GSE1: variants seen among roughly 807,000 people sequenced by gnomAD.
The protein encoded by GSE1 is Gse1 coiled-coil protein.
In GSE1, 32 loss-of-function variants were observed where a neutral mutation model predicts 112.6. That is an observed-to-expected ratio of 0.28 (90% CI 0.21 to 0.38). The LOEUF is 0.38. Ranked by LOEUF, GSE1 falls within the 10% of genes least tolerant of loss-of-function variation. The probability of loss-of-function intolerance (pLI) is 1.00; values close to 1 mark genes in which losing one functional copy is unlikely to be tolerated. For synonymous variants in GSE1, 1,115 were observed against 735.6 expected (o/e 1.52, Z -8.35); for missense variants, 2,348 against 1,699.2 (o/e 1.38, Z -6.71).
chr16:85,495,647 C>CG (rs2051151555), intron 2 of GSE1, among the ~76,000 whole-genome samples: 1 of 151,934 alleles, frequency 6.6e-6, no homozygotes, highest in East Asian at 1.9e-4. Context: ...CGCACTACCA[C>CG]GTCTAGCTAA....
chr16:85,399,529 C>A (rs562666936), intron 2 of GSE1, among the ~76,000 whole-genome samples: 1 of 152,228 alleles, frequency 6.6e-6, no homozygotes, highest in Non-Finnish European at 1.5e-5. Flanking sequence ...CCCATCCTTG[C>A]GGGCTTTCAG....
upstream of GSE1, among the ~76,000 whole-genome samples, chr16:85,608,022 A>G (rs1180332776): frequency 6.6e-6 from 1 of 152,208 alleles, no homozygotes; most frequent in Non-Finnish European, 1.5e-5. Flanking sequence ...GACCCACTGC[A>G]CTGTGTGATT....
rs1187255201 is a variant in GSE1 at position 85,357,664 on chromosome 16, T to C, written c.2464+21T>C. The C allele has an allele frequency of 5.5e-6, 7 of 1,280,898 alleles. No homozygotes were observed. In the African/African-American group the frequency reaches 9.1e-5, roughly 17 times the overall value. The allele number at this position is 1,280,898 out of a possible 1,614,324, so 79.3% of individuals were successfully genotyped here. A position where few individuals can be genotyped will look rare whatever the true frequency, so the allele number is the denominator to read the frequency against. On this transcript the variant is annotated intron_variant, in intron 2 of 2. Transcript: ENST00000637419. ...TGCAGGTAGACGCCAGCTCTTTTTG[T>C]ATCTCTGGGTACTGGGCTGGGATGC...
chr16:85,471,137 C>T (rs2050281463), intron 2 of GSE1, among the ~76,000 whole-genome samples: 1 of 152,146 alleles, frequency 6.6e-6, no homozygotes, highest in Non-Finnish European at 1.5e-5. Flanking sequence ...CCCCATTCGC[C>T]CTGGGTGCTC....
intron 1 of GSE1, among the ~76,000 whole-genome samples, chr16:85,351,118 G>C (rs528344614): frequency 2.6e-5 from 4 of 152,302 alleles, no homozygotes; most frequent in African/African-American, 9.6e-5. Flanking sequence ...TCCCAGCTGG[G>C]AGAGTAGCCA....
intron 1 of GSE1, among the ~76,000 whole-genome samples, chr16:85,212,909 C>T (rs2075249500): frequency 6.6e-6 from 1 of 152,130 alleles, no homozygotes; most frequent in South Asian, 2.1e-4. Context: ...GGGAAGATCG[C>T]TCGAGCCCAG....
intron 2 of GSE1, among the ~76,000 whole-genome samples, chr16:85,501,591 C>T (rs1387176176): frequency 4.0e-5 from 6 of 151,796 alleles, no homozygotes; most frequent in Non-Finnish European, 1.5e-5. Context: ...GACTAGGTTT[C>T]GCTATGTTGC....
intron 2 of GSE1, among the ~76,000 whole-genome samples, chr16:85,399,998 C>A (rs1331140672): frequency 1.3e-5 from 2 of 152,224 alleles, no homozygotes; most frequent in African/African-American, 4.8e-5. Context: ...TCACACTGGG[C>A]GCACAGCAGC....
chr16:85,451,472 GTGGTGGTTGGTGTGTGTGC>G (rs2049679291), intron 2 of GSE1, among the ~76,000 whole-genome samples: 1 of 87,846 alleles, frequency 1.1e-5, no homozygotes, highest in African/African-American at 4.2e-5. Flanking sequence ...GCGTGCGCTG[GTGGTGGTTGGTGTGTGTGC>G]TGGTGGTTGG....
At chr16:85,235,475 G>C (rs1475472130) in intron 1 of GSE1, among the ~76,000 whole-genome samples, 1 of 131,074 alleles carries the variant, frequency 7.6e-6, no homozygotes, top group Admixed American at 7.8e-5. Context: ...TGTGTGTAGG[G>C]GGTGTGTTCT....
intron 2 of GSE1, among the ~76,000 whole-genome samples, chr16:85,464,626 C>T (rs733273): frequency 2.6e-5 from 4 of 152,162 alleles, no homozygotes; most frequent in South Asian, 2.1e-4. Context: ...CACGAAGCCT[C>T]GGGAATGTGC....
chr16:85,596,454 A>G (rs755221270), intron 1 of GSE1, among the ~76,000 whole-genome samples: 4 of 152,212 alleles, frequency 2.6e-5, no homozygotes, highest in Admixed American at 6.5e-5. Context: ...GAATCCTCCC[A>G]GGAAGATTCC....
chr16:85,493,934 T>A (rs1184081678), intron 2 of GSE1, among the ~76,000 whole-genome samples: 3 of 151,108 alleles, frequency 2.0e-5, no homozygotes, highest in Non-Finnish European at 2.9e-5. Flanking sequence ...AAAAAAAAAA[T>A]TAGCTTGACA....
At position 85,186,151 on chromosome 16, in the gene GSE1, C is replaced by G. The variant is rs372262559; in HGVS notation, c.2283+14344C>G. Among the ~76,000 whole-genome samples, 8 of 152,244 alleles carry G rather than the reference C, an allele frequency of 5.3e-5. No individual in the cohort carries two copies. The South Asian group carries it at 1.2e-3, about 24-fold the overall frequency. ...CCCTCCACCCATCGTGAGATTTTGTCCTGATTTCACATTTCACATACATTA... is the reference window on the plus strand; with the variant it reads ...CCCTCCACCCATCGTGAGATTTTGTGCTGATTTCACATTTCACATACATTA... On this transcript the variant is annotated intron_variant, in intron 1 of 2. Coordinates refer to the GSE1 transcript ENST00000637419.
intron 2 of GSE1, among the ~76,000 whole-genome samples, chr16:85,433,405 G>A (rs1033086350): frequency 9.9e-5 from 15 of 152,014 alleles, no homozygotes; most frequent in Non-Finnish European, 2.9e-5. Context: ...CCCTGCCCTC[G>A]GCCAGCCTTA....
intron 2 of GSE1, among the ~76,000 whole-genome samples, chr16:85,417,844 T>C (rs554874357): frequency 3.3e-5 from 5 of 152,298 alleles, no homozygotes; most frequent in South Asian, 4.1e-4. Flanking sequence ...GCATTTCTTT[T>C]TTCTTTTTCT....
intron 1 of GSE1, among the ~76,000 whole-genome samples, chr16:85,313,776 G>C (rs967021108): frequency 1.3e-5 from 2 of 152,252 alleles, no homozygotes; most frequent in African/African-American, 4.8e-5. Flanking sequence ...CTCCCCGCCA[G>C]CCTGGGCTGA....
At chr16:85,367,170 T>C (rs2047202297) in intron 2 of GSE1, among the ~76,000 whole-genome samples, 1 of 152,150 alleles carries the variant, frequency 6.6e-6, no homozygotes, top group South Asian at 2.1e-4. Context: ...GTTTACGCGG[T>C]TTGAAGAGTG....
chr16:85,187,534 C>T (rs2074730484), intron 1 of GSE1, among the ~76,000 whole-genome samples: 1 of 152,274 alleles, frequency 6.6e-6, no homozygotes, highest in African/African-American at 2.4e-5. Context: ...ACAAAAGAAG[C>T]TGAGGCCAGC....
Sources: allele counts gnomAD v4.1 joint callset (sites outside exome capture counted in the v4.1 genomes callset), GRCh38; gene constraint gnomAD v4.1.1; transcripts MANE v1.5; gene names NCBI Gene and HGNC (gene_info 2026-07-23, HGNC 2026-07-21).